Variants in KCNAB2 observed in about 807,000 individuals in gnomAD.
The protein encoded by KCNAB2 is potassium voltage-gated channel subfamily A regulatory beta subunit 2, also known as voltage-gated potassium channel subunit beta-2.
In KCNAB2, 29 loss-of-function variants were observed where a neutral mutation model predicts 63.6. That is an observed-to-expected ratio of 0.46 (90% CI 0.34 to 0.62). KCNAB2 has a LOEUF of 0.62. Ranked by LOEUF, KCNAB2 falls within the 20% of genes least tolerant of loss-of-function variation. KCNAB2 has a pLI of 0.01. For synonymous variants in KCNAB2, 222 were observed against 224.2 expected (o/e 0.99, Z 0.09); for missense variants, 359 against 563.9 (o/e 0.64, Z 3.68).
At chr1:6,085,107 A>G (rs2100732922) in intron 5 of KCNAB2, 97 bp from the exon 6 acceptor site, 3 of 1,293,336 alleles carry the variant, frequency 2.3e-6, no homozygotes, top group Non-Finnish European at 3.4e-6. Flanking sequence ...CCCCAGTGAC[A>G]TTTTCACAGA....
intron 2 of KCNAB2, among the ~76,000 whole-genome samples, chr1:6,072,212 CAAAG>C (rs1016477220): frequency 7.2e-4 from 109 of 152,298 alleles, no homozygotes; most frequent in African/African-American, 2.5e-3. Context: ...GTGGCTGTAA[CAAAG>C]GAAGGGCTGG....
In KCNAB2 at chr1:5,994,349, C is replaced by T. The variant is rs1411702413; in HGVS notation, c.-53+1561C>T. Among the ~76,000 whole-genome samples the T allele has an allele frequency of 1.3e-5, 2 of 152,262 alleles. No homozygotes were observed. The highest frequency in any genetic ancestry group is 4.8e-5 in the African/African-American group (2 of 41,468). ...TGGCGGCCGTGTCTGCTGCAGAGCC[C>T]TGTGCAGCTCCTGGCCCTGTGCTCT... On this transcript the variant is annotated intron_variant, in intron 1 of 16. Coordinates refer to the KCNAB2 transcript ENST00000341524. This position sits in a 1 kb window ranked among gnomAD's most constrained non-coding sequence, Gnocchi z 5.4.
In KCNAB2 at chr1:6,095,451, C is replaced by G. The variant is rs1268217636; in HGVS notation, c.853+8C>G. ...AGCTGTTCCACAAGATAGGTGGGCA[C>G]CCTCGGGCCCCTCGCCCCGCCCCAC... On this transcript the variant is annotated splice_region_variant and intron_variant, in intron 12 of 15. Transcript: ENST00000378083. The G allele has an allele frequency of 6.2e-7, 1 of 1,612,616 alleles. No homozygotes were observed. The highest frequency in any genetic ancestry group is 1.3e-5 in the African/African-American group (1 of 74,944).
At chr1:6,027,006 G>A (rs565245794) in intron 1 of KCNAB2, among the ~76,000 whole-genome samples, 8 of 152,330 alleles carry the variant, frequency 5.3e-5, no homozygotes, top group Admixed American at 1.3e-4. Context: ...TGAGCACAGG[G>A]CAGTGGTGGG....
In KCNAB2 at chr1:6,003,589, G is replaced by A. The variant is rs1445235013; in HGVS notation, c.-53+10801G>A. Reference sequence around the variant, plus strand: ...CTTCACTCTTCCGAATCAGGCTGTGGGAAACGTTTGTGTGCATCTCGCTTT... The same window carrying A: ...CTTCACTCTTCCGAATCAGGCTGTGAGAAACGTTTGTGTGCATCTCGCTTT... On this transcript the variant is annotated intron_variant, in intron 1 of 16. Transcript: ENST00000341524. This position sits in a 1 kb window ranked among gnomAD's most constrained non-coding sequence, Gnocchi z 4.1. 2.0e-5 allele frequency among the ~76,000 whole-genome samples: 3 copies of A among 152,292 alleles called. No homozygotes were observed. The East Asian group carries it at 5.8e-4, about 29-fold the overall frequency.
chr1:6,098,731 A>C lies in KCNAB2; in HGVS notation c.*157A>C. The C allele has an allele frequency of 1.1e-6, 1 of 924,964 alleles. No homozygotes were observed. The highest frequency in any genetic ancestry group is 1.6e-6 in the Non-Finnish European group (1 of 625,918). The allele number at this position is 924,964 out of a possible 1,614,324, so 57.3% of individuals were successfully genotyped here. ...GGAAATGATCTCCCAAGTCGCTGCC[A>C]GACACCACCCACTGCTTCGCCGGAC... On this transcript the variant is annotated 3_prime_UTR_variant, in exon 16 of 16. Transcript: ENST00000378083.
upstream of KCNAB2, among the ~76,000 whole-genome samples, chr1:6,033,327 C>G (rs753553780): frequency 2.8e-5 from 4 of 143,400 alleles, no homozygotes; most frequent in African/African-American, 7.8e-5. Context: ...TGCATGTGTG[C>G]CTGTATTGTG....
At position 6,086,326 on chromosome 1, in the gene KCNAB2, A is replaced by G. The variant is rs1664693747; in HGVS notation, c.425+1078A>G. The stretch of plus-strand genomic sequence containing the variant: ...TTTGGCAACTCTGATCCCAAAACAA[A>G]TTCCTCCTCACCCTGTAATTAAACG... On this transcript the variant is annotated intron_variant, in intron 6 of 15. Transcript: ENST00000378083. This position sits in a 1 kb window ranked among gnomAD's most constrained non-coding sequence, Gnocchi z 4.2. 1 of 985,198 alleles carries G rather than the reference A, an allele frequency of 1.0e-6. No individual in the cohort carries two copies. The highest frequency in any genetic ancestry group is 1.7e-5 in the African/African-American group (1 of 57,174). The allele number at this position is 985,198 out of a possible 1,614,324, so 61.0% of individuals were successfully genotyped here. A position where few individuals can be genotyped will look rare whatever the true frequency, so the allele number is the denominator to read the frequency against.
At chr1:6,011,620 G>A (rs949110059) in intron 1 of KCNAB2, among the ~76,000 whole-genome samples, 4 of 152,240 alleles carry the variant, frequency 2.6e-5, no homozygotes, top group East Asian at 1.9e-4. Context: ...GGACCTCCAC[G>A]AAGGGCTTTT....
At chr1:5,997,073 A>G (rs1305912889) in intron 1 of KCNAB2, among the ~76,000 whole-genome samples, 3 of 152,030 alleles carry the variant, frequency 2.0e-5, no homozygotes, top group South Asian at 2.1e-4. Context: ...TGGTGCCTCA[A>G]TGGTAGGAGC....
chr1:6,055,241 C>A (rs893802858), intron 2 of KCNAB2, among the ~76,000 whole-genome samples: 2 of 152,308 alleles, frequency 1.3e-5, no homozygotes, highest in South Asian at 4.1e-4. Flanking sequence ...TTGCCTGAAG[C>A]CCCGAGGAAA....
chr1:6,050,903 A>G (rs1003158007), intron 1 of KCNAB2, among the ~76,000 whole-genome samples: 1 of 152,220 alleles, frequency 6.6e-6, no homozygotes. Flanking sequence ...ACAAGCAGGG[A>G]ATGTGTTGTA....
In KCNAB2 at chr1:6,028,490, C is replaced by T. The variant is rs766902893; in HGVS notation, c.-52-12027C>T. Among the ~76,000 whole-genome samples the T allele has an allele frequency of 3.9e-5, 6 of 152,196 alleles. No individual in the cohort carries two copies. The highest frequency in any genetic ancestry group is 9.7e-5 in the African/African-American group (4 of 41,440). ...CAAGCAGGTGCTGGAGTCCTCGCCC[C>T]GAGGCCTTCCGGAAGACACCCAGGA... is the stretch of plus-strand genomic sequence containing the variant. On this transcript the variant is annotated intron_variant, in intron 1 of 16. Coordinates refer to the KCNAB2 transcript ENST00000341524. This position sits in a 1 kb window ranked among gnomAD's most constrained non-coding sequence, Gnocchi z 4.0.
chr1:6,056,883 A>C lies in KCNAB2; in HGVS notation c.218+5129A>C, dbSNP rs1661874386. Among the ~76,000 whole-genome samples, 3 of 151,272 alleles carry C rather than the reference A, an allele frequency of 2.0e-5. No individual in the cohort carries two copies. The South Asian group carries it at 6.3e-4, about 32-fold the overall frequency. On this transcript the variant is annotated intron_variant, in intron 2 of 15. Coordinates refer to ENST00000378083, the MANE Select transcript of KCNAB2 (RefSeq NM_001199862.2). The stretch of plus-strand genomic sequence containing the variant: ...AGACTGTCCCAAGCACCCACTCTAA[A>C]CAAGCACCTATGAAGTCATCAGAAG...
At position 6,048,259 on chromosome 1, in the gene KCNAB2, G is replaced by T. The variant is rs192031903; in HGVS notation, c.-27+2076G>T. On this transcript the variant is annotated intron_variant, in intron 1 of 15. Transcript: ENST00000378083. ...CTTCCCGCCCTGCCTGCTGGCCCCT[G>T]GTGGTGGATTTTTCTTTCCACAGCA... Among the ~76,000 whole-genome samples, 808 of 152,288 alleles carry T rather than the reference G, an allele frequency of 5.3e-3. 4 individuals are homozygous for T. The highest frequency in any genetic ancestry group is 0.019 in the African/African-American group (770 of 41,546).
upstream of KCNAB2, among the ~76,000 whole-genome samples, chr1:6,033,303 A>G (rs1659777448): frequency 7.4e-6 from 1 of 136,040 alleles, no homozygotes; most frequent in Non-Finnish European, 1.6e-5. Context: ...GGGTGTGCAT[A>G]TGTGTGTGTG....
Position 6,024,020 on chromosome 1 carries a change from C to T in KCNAB2, c.-52-16497C>T, listed in dbSNP as rs1658996676. On this transcript the variant is annotated intron_variant, in intron 1 of 16. Transcript: ENST00000341524. The surrounding 1 kb of genome is among the most constrained non-coding windows in gnomAD (Gnocchi z 5.4). ...GCAATGGCACAATCTAGGCTCACTG[C>T]GACCTCCGCCTCCTGGGTTCAAGCA... Among the ~76,000 whole-genome samples the T allele has an allele frequency of 6.6e-6, 1 of 151,812 alleles. No individual in the cohort carries two copies. Among genetic ancestry groups the T allele is most frequent in the South Asian group, 2.1e-4 (1 of 4,810 alleles).
intron 9 of KCNAB2, 53 bp from the exon 10 acceptor site, chr1:6,091,210 C>G (rs754888026): frequency 5.5e-5 from 75 of 1,354,086 alleles, no homozygotes; most frequent in Middle Eastern, 1.8e-4. Flanking sequence ...CCACGCCTCT[C>G]AGTGCTCCCA....
intron 4 of KCNAB2, 107 bp from the exon 5 acceptor site, chr1:6,082,088 G>A (rs1664258647): frequency 1.1e-6 from 1 of 893,190 alleles, no homozygotes; most frequent in Non-Finnish European, 1.8e-6. Context: ...GGGCCCGGGA[G>A]GGCAGGGCCT....
Sources: allele counts gnomAD v4.1 joint callset (sites outside exome capture counted in the v4.1 genomes callset), GRCh38; gene constraint gnomAD v4.1.1; non-coding constraint Gnocchi (gnomAD v3.1); transcripts MANE v1.5; gene names NCBI Gene and HGNC (gene_info 2026-07-23, HGNC 2026-07-21).